Variants in ERBB4 observed in about 807,000 individuals in gnomAD.
ERBB4 encodes receptor tyrosine-protein kinase erbB-4.
Under a neutral mutation model 158.0 loss-of-function variants are expected in ERBB4, and 42 were observed. That is an observed-to-expected ratio of 0.27 (90% CI 0.21 to 0.34). The LOEUF (loss-of-function observed/expected upper bound fraction) is 0.34, where lower values mean the gene tolerates loss of function less well. Among genes scored for constraint, ERBB4 ranks in the 10% least tolerant of loss-of-function variants. ERBB4 has a pLI of 1.00. For synonymous variants in ERBB4, 583 were observed against 558.7 expected (o/e 1.04, Z -0.61); for missense variants, 1,333 against 1,624.1 (o/e 0.82, Z 3.08).
chr2:212,391,203 G>T (rs778004982), intron 1 of ERBB4, among the ~76,000 whole-genome samples: 2 of 151,710 alleles, frequency 1.3e-5, no homozygotes, highest in South Asian at 2.1e-4. Context: ...TCTTTTAGGC[G>T]TTCTACTTAA....
At chr2:212,461,159 A>C (rs1688553418) in intron 1 of ERBB4, among the ~76,000 whole-genome samples, 1 of 152,172 alleles carries the variant, frequency 6.6e-6, no homozygotes, top group Admixed American at 6.6e-5. Flanking sequence ...CTACTGGGGC[A>C]CCACCTAGTG....
At chr2:211,622,738 G>T (rs1829614) in intron 18 of ERBB4, among the ~76,000 whole-genome samples, 2 of 150,754 alleles carry the variant, frequency 1.3e-5, no homozygotes, top group East Asian at 3.9e-4. Flanking sequence ...AGCCAAGGCG[G>T]GTAGATCACT....
In ERBB4 at chr2:211,382,515, A is replaced by G. The variant is rs181464488; in HGVS notation, c.*1100T>C. 180 of 232,880 alleles carry G rather than the reference A, an allele frequency of 7.7e-4. 1 individual carries two copies. The highest frequency in any genetic ancestry group is 3.6e-3 in the African/African-American group (164 of 45,440). 14.4% of individuals were successfully genotyped at this position (232,880 alleles called of 1,614,324 possible). On this transcript the variant is annotated 3_prime_UTR_variant, in exon 28 of 28. Coordinates refer to ENST00000342788, the MANE Select transcript of ERBB4 (RefSeq NM_005235.3). Reference sequence around the variant, plus strand: ...AATGGAGTTCAGAAAAAGAACAAATAAAATTACAGCTTAAGTGCAAACTAC... The same window carrying G: ...AATGGAGTTCAGAAAAAGAACAAATGAAATTACAGCTTAAGTGCAAACTAC...
At chr2:211,417,884 T>G (rs2063427863) in intron 25 of ERBB4, among the ~76,000 whole-genome samples, 1 of 152,170 alleles carries the variant, frequency 6.6e-6, no homozygotes, top group African/African-American at 2.4e-5. Flanking sequence ...AAATTGATGA[T>G]TCTAAAAGTA....
intron 20 of ERBB4, among the ~76,000 whole-genome samples, chr2:211,555,962 A>T (rs2067225986): frequency 6.6e-6 from 1 of 152,192 alleles, no homozygotes; most frequent in African/African-American, 2.4e-5. Flanking sequence ...TCAAATCCAC[A>T]CATTTCAATA....
chr2:211,512,935 T>C (rs1053972824), intron 20 of ERBB4, among the ~76,000 whole-genome samples: 2 of 152,148 alleles, frequency 1.3e-5, no homozygotes, highest in African/African-American at 4.8e-5. Flanking sequence ...AAATTAATCA[T>C]TGACTGGAAA....
chr2:211,545,780 A>G (rs1484387085), intron 20 of ERBB4, among the ~76,000 whole-genome samples: 1 of 152,060 alleles, frequency 6.6e-6, no homozygotes, highest in African/African-American at 2.4e-5. Context: ...TAGTATTGTA[A>G]TTATACAATT....
At chr2:211,859,517 G>A (rs1489019798) in intron 3 of ERBB4, among the ~76,000 whole-genome samples, 2 of 152,102 alleles carry the variant, frequency 1.3e-5, no homozygotes, top group Non-Finnish European at 1.5e-5. Context: ...TTTAAAAGAT[G>A]TGTTATGTTT....
At chr2:212,275,855 A>G (rs1342229186) in intron 1 of ERBB4, among the ~76,000 whole-genome samples, 1 of 151,894 alleles carries the variant, frequency 6.6e-6, no homozygotes, top group Non-Finnish European at 1.5e-5. Flanking sequence ...AACGGGCTAA[A>G]TGCCCCAATT....
intron 1 of ERBB4, among the ~76,000 whole-genome samples, chr2:212,378,993 A>C (rs924443090): frequency 6.6e-6 from 1 of 151,798 alleles, no homozygotes; most frequent in Admixed American, 6.6e-5. Flanking sequence ...ATTTTGAAAA[A>C]TTTTAAATGT....
chr2:211,596,225 A>T (rs974924724), intron 19 of ERBB4, among the ~76,000 whole-genome samples: 1 of 152,196 alleles, frequency 6.6e-6, no homozygotes, highest in Admixed American at 6.5e-5. Context: ...CAGCAAAAAA[A>T]AAAAGTCTGA....
rs531055338 is a variant in ERBB4, at chr2:211,799,412, C to T, written c.422-11253G>A. On this transcript the variant is annotated intron_variant, in intron 3 of 27. Coordinates refer to ENST00000342788, the MANE Select transcript of ERBB4 (RefSeq NM_005235.3). ...GTAAATAAATATTTTAAAATCTTTG[C>T]GGATCTTTGTCTGCTTCTTGAGGCT... Among the ~76,000 whole-genome samples, 25 of 152,120 alleles carry T rather than the reference C, an allele frequency of 1.6e-4. No individual in the cohort carries two copies. The East Asian group carries it at 4.3e-3, about 26-fold the overall frequency.
chr2:211,944,836 C>T (rs1479233705), intron 3 of ERBB4, among the ~76,000 whole-genome samples: 1 of 151,942 alleles, frequency 6.6e-6, no homozygotes, highest in East Asian at 1.9e-4. Flanking sequence ...TTTCTAAGTT[C>T]CTGGATGATG....
chr2:211,392,679 TG>T (rs2062828123), intron 25 of ERBB4, among the ~76,000 whole-genome samples: 1 of 152,052 alleles, frequency 6.6e-6, no homozygotes, highest in African/African-American at 2.4e-5. Context: ...TTTGTTTGTT[TG>T]TTTTTCGAGA....
intron 2 of ERBB4, among the ~76,000 whole-genome samples, chr2:212,112,226 G>C (rs1166356940): frequency 6.6e-6 from 1 of 151,932 alleles, no homozygotes; most frequent in African/African-American, 2.4e-5. Flanking sequence ...TCAAACTCCT[G>C]GCTTCAAGCA....
intron 2 of ERBB4, 110 bp from the exon 3 acceptor site, chr2:211,947,726 T>G (rs1232322555): frequency 2.3e-6 from 2 of 861,274 alleles, no homozygotes; most frequent in Non-Finnish European, 3.8e-6. Context: ...GTTTTTAGTT[T>G]AATACATTAT....
chr2:212,364,089 T>G (rs1256317967), intron 1 of ERBB4, among the ~76,000 whole-genome samples: 1 of 151,714 alleles, frequency 6.6e-6, no homozygotes, highest in African/African-American at 2.4e-5. Context: ...TATAGAATAT[T>G]TCATATCTCA....
chr2:211,730,379 C>T (rs2074390052), intron 5 of ERBB4, among the ~76,000 whole-genome samples: 1 of 151,964 alleles, frequency 6.6e-6, no homozygotes, highest in Non-Finnish European at 1.5e-5. Context: ...CGCCCGTTAA[C>T]AATAGAAATA....
intron 5 of ERBB4, among the ~76,000 whole-genome samples, chr2:211,739,161 C>T (rs527890957): frequency 6.6e-6 from 1 of 152,036 alleles, no homozygotes; most frequent in Admixed American, 6.5e-5. Flanking sequence ...AATGTACTAC[C>T]CATCTTATGC....
Sources: allele counts gnomAD v4.1 joint callset (sites outside exome capture counted in the v4.1 genomes callset), GRCh38; gene constraint gnomAD v4.1.1; transcripts MANE v1.5; gene names NCBI Gene and HGNC (gene_info 2026-07-23, HGNC 2026-07-21).